BTBD9: variants seen among roughly 807,000 people sequenced by gnomAD.
BTBD9 encodes BTB/POZ domain-containing protein 9.
BTBD9 carries 49 observed loss-of-function variants against 64.3 expected under a neutral mutation model. That is an observed-to-expected ratio of 0.76 (90% confidence interval 0.61 to 0.97). The LOEUF (loss-of-function observed/expected upper bound fraction) is 0.97, where lower values mean the gene tolerates loss of function less well. Among genes scored for constraint, BTBD9 ranks in the 50% least tolerant of loss-of-function variants. The probability of loss-of-function intolerance (pLI) is 0.00; values close to 1 mark genes in which losing one functional copy is unlikely to be tolerated. For missense variants in BTBD9, 598 were observed against 762.1 expected (o/e 0.78, Z 2.53); for synonymous variants, 260 against 274.7 (o/e 0.95, Z 0.53).
At chr6:38,229,489 C>T (rs1412977366) in intron 9 of BTBD9, among the ~76,000 whole-genome samples, 2 of 152,158 alleles carry the variant, frequency 1.3e-5, no homozygotes, top group African/African-American at 2.4e-5. Context: ...CCCCATGAAA[C>T]AGTTTCCTGA....
chr6:38,301,308 G>A (rs1762393606), intron 7 of BTBD9, among the ~76,000 whole-genome samples: 2 of 152,140 alleles, frequency 1.3e-5, no homozygotes, highest in South Asian at 4.2e-4. Flanking sequence ...CAAGGATATT[G>A]GTCTAAAATT....
intron 1 of BTBD9, among the ~76,000 whole-genome samples, chr6:38,618,592 C>T (rs911436929): frequency 2.6e-5 from 4 of 152,222 alleles, no homozygotes; most frequent in African/African-American, 9.6e-5. Flanking sequence ...CCCAGGCTAT[C>T]GGTTATGTCC....
intron 9 of BTBD9, among the ~76,000 whole-genome samples, chr6:38,210,049 C>T (rs1450686606): frequency 2.6e-5 from 4 of 152,032 alleles, no homozygotes; most frequent in Admixed American, 6.6e-5. Flanking sequence ...GCGTCCATGG[C>T]GGTTTGAATG....
At chr6:38,403,258 C>T (rs1378516964) in intron 6 of BTBD9, among the ~76,000 whole-genome samples, 1 of 151,944 alleles carries the variant, frequency 6.6e-6, no homozygotes, top group Non-Finnish European at 1.5e-5. Context: ...AAAGACAACC[C>T]ACAAAAGGAG....
intron 6 of BTBD9, among the ~76,000 whole-genome samples, chr6:38,523,003 T>C (rs2127421481): frequency 6.6e-6 from 1 of 152,134 alleles, no homozygotes; most frequent in South Asian, 2.1e-4. Flanking sequence ...GCCAACATGG[T>C]GAAACACCAT....
chr6:38,203,045 A>G (rs1762518509), intron 9 of BTBD9, among the ~76,000 whole-genome samples: 1 of 152,206 alleles, frequency 6.6e-6, no homozygotes, highest in Non-Finnish European at 1.5e-5. Flanking sequence ...AAGAAGACAT[A>G]CAAATAGCCA....
At chr6:38,405,933 T>G (rs779803019) in intron 6 of BTBD9, among the ~76,000 whole-genome samples, 49 of 152,102 alleles carry the variant, frequency 3.2e-4, no homozygotes, top group Non-Finnish European at 6.3e-4. Context: ...ATAAAAGCTT[T>G]GTGAAGATGC....
chr6:38,236,988 G>C (rs1001299800), intron 9 of BTBD9, among the ~76,000 whole-genome samples: 1 of 152,186 alleles, frequency 6.6e-6, no homozygotes, highest in Non-Finnish European at 1.5e-5. Context: ...AAGGGGCCCA[G>C]GGGAAGCCTG....
intron 6 of BTBD9, among the ~76,000 whole-genome samples, chr6:38,450,726 A>T (rs1369775911): frequency 1.3e-5 from 2 of 152,164 alleles, no homozygotes; most frequent in African/African-American, 2.4e-5. Context: ...TTATAAAAAA[A>T]TGTAAATTTA....
chr6:38,483,202 C>T (rs949286926), intron 6 of BTBD9, among the ~76,000 whole-genome samples: 1 of 151,876 alleles, frequency 6.6e-6, no homozygotes, highest in Non-Finnish European at 1.5e-5. Context: ...ACCCCTATTC[C>T]CTCAGCCTCT....
chr6:38,569,789 G>A (rs1775679077), intron 6 of BTBD9, among the ~76,000 whole-genome samples: 1 of 150,678 alleles, frequency 6.6e-6, no homozygotes, highest in South Asian at 2.2e-4. Context: ...GGTTTTGGGG[G>A]ATTTTTTTGC....
chr6:38,312,255 T>C (rs1162806978), intron 7 of BTBD9, among the ~76,000 whole-genome samples: 1 of 152,234 alleles, frequency 6.6e-6, no homozygotes, highest in Non-Finnish European at 1.5e-5. Flanking sequence ...AATCGGATTA[T>C]TTGATTGTTT....
At chr6:38,239,782 C>A (rs1763931356) in intron 9 of BTBD9, among the ~76,000 whole-genome samples, 1 of 152,084 alleles carries the variant, frequency 6.6e-6, no homozygotes, top group Non-Finnish European at 1.5e-5. Context: ...GAGAAAACAC[C>A]TACATTTTGG....
chr6:38,246,258 T>C (rs533842851), intron 9 of BTBD9, among the ~76,000 whole-genome samples: 1 of 152,358 alleles, frequency 6.6e-6, no homozygotes, highest in South Asian at 2.1e-4. Context: ...TGTGCAGGTA[T>C]GACTGGCTGA....
intron 10 of BTBD9, among the ~76,000 whole-genome samples, chr6:38,191,637 G>A (rs1762078782): frequency 6.6e-6 from 1 of 152,214 alleles, no homozygotes; most frequent in Admixed American, 6.5e-5. Flanking sequence ...CCTGTGCCAG[G>A]GCCCCTGTTG....
rs1029988620 is a variant in BTBD9, at chr6:38,192,639, T to C, written c.1563-42A>G. 3.8e-6 allele frequency: 6 copies of C among 1,573,364 alleles called. No individual in the cohort carries two copies. In the African/African-American group the frequency reaches 4.1e-5, roughly 11 times the overall value. On this transcript the variant is annotated intron_variant, in intron 9 of 10. Coordinates refer to ENST00000481247, the MANE Select transcript of BTBD9 (RefSeq NM_001099272.2). ...CCATTTGCCTGATTAGATGGTGCAG[T>C]TGACTCTCTGGTAGTGTGGCCGATG...
chr6:38,612,409 C>G (rs1283067299), intron 1 of BTBD9, among the ~76,000 whole-genome samples: 1 of 152,196 alleles, frequency 6.6e-6, no homozygotes, highest in Admixed American at 6.5e-5. Context: ...AGTTTATTAT[C>G]CTTCTCTTGT....
chr6:38,347,998 A>G (rs1449904502), intron 6 of BTBD9, among the ~76,000 whole-genome samples: 2 of 152,166 alleles, frequency 1.3e-5, no homozygotes, highest in East Asian at 1.9e-4. Context: ...TTCTGTCTCA[A>G]AACAAACCAC....
chr6:38,216,126 A>T (rs1290600170), intron 9 of BTBD9, among the ~76,000 whole-genome samples: 1 of 152,226 alleles, frequency 6.6e-6, no homozygotes, highest in Non-Finnish European at 1.5e-5. Flanking sequence ...ACAAAACATC[A>T]CAAAGGGGAA....
Sources: gnomAD v4.1 joint callset for allele counts (sites outside exome capture counted in the v4.1 genomes callset) on GRCh38, gnomAD v4.1.1 for gene constraint, MANE v1.5 for transcripts, NCBI Gene and HGNC (gene_info 2026-07-23, HGNC 2026-07-21) for gene names.